The following CNTN5 variants were observed in gnomAD, a reference collection of about 807,000 sequenced individuals.
CNTN5 encodes contactin 5, also known as contactin-5.
Under a neutral mutation model 129.1 loss-of-function variants are expected in CNTN5, and 77 were observed. The ratio of observed to expected loss-of-function variants is 0.60; its 90% CI spans 0.50 to 0.72. The LOEUF (loss-of-function observed/expected upper bound fraction) is 0.72, where lower values mean the gene tolerates loss of function less well. Ranked by LOEUF, CNTN5 falls within the 30% of genes least tolerant of loss-of-function variation. The pLI, the probability that CNTN5 is intolerant of heterozygous loss-of-function variation, is 0.00. For synonymous variants in CNTN5, 509 were observed against 465.6 expected, an observed-to-expected ratio of 1.09 and a Z score of -1.20; for missense variants, 1,478 against 1,328.8, an observed-to-expected ratio of 1.11 and a Z score of -1.75.
chr11:99,423,975 G>C (rs944878980), intron 2 of CNTN5, among the ~76,000 whole-genome samples: 1 of 152,126 alleles, frequency 6.6e-6, no homozygotes, highest in Admixed American at 6.5e-5. Context: ...CCTTTTATTT[G>C]TGGGTCATAA....
intron 2 of CNTN5, among the ~76,000 whole-genome samples, chr11:99,416,558 T>A (rs1210509944): frequency 1.3e-5 from 2 of 152,086 alleles, no homozygotes; most frequent in Non-Finnish European, 1.5e-5. Context: ...ACTGCTGAGA[T>A]TACAAGCATA....
intron 13 of CNTN5, among the ~76,000 whole-genome samples, chr11:100,122,238 A>G (rs557244626): frequency 2.0e-5 from 3 of 152,162 alleles, no homozygotes; most frequent in Admixed American, 2.0e-4. Context: ...GTGGAATGGT[A>G]TAAGTCTTGG....
At chr11:100,206,857 T>G (rs113736443) in intron 15 of CNTN5, among the ~76,000 whole-genome samples, 1 of 152,028 alleles carries the variant, frequency 6.6e-6, no homozygotes, top group East Asian at 1.9e-4. Context: ...GCAGATATAT[T>G]TGCTAAACAA....
chr11:100,092,801 G>A (rs1436605334), intron 13 of CNTN5, among the ~76,000 whole-genome samples: 2 of 152,138 alleles, frequency 1.3e-5, no homozygotes, highest in African/African-American at 4.8e-5. Flanking sequence ...GGTGCAGTAT[G>A]CTTGCACCTG....
At chr11:100,225,921 T>G (rs1349960965) in intron 16 of CNTN5, among the ~76,000 whole-genome samples, 2 of 152,130 alleles carry the variant, frequency 1.3e-5, no homozygotes, top group Admixed American at 6.6e-5. Flanking sequence ...GTTATATATA[T>G]CACCGAATGT....
intron 2 of CNTN5, among the ~76,000 whole-genome samples, chr11:99,441,175 T>G (rs1186470017): frequency 6.6e-6 from 1 of 152,110 alleles, no homozygotes; most frequent in Non-Finnish European, 1.5e-5. Context: ...CATTTTCTCT[T>G]TAGCAATCAA....
In CNTN5 at chr11:100,341,306, AT is replaced by A. The variant is rs948356963; in HGVS notation, c.3030+107del. 2.3e-5 allele frequency: 18 copies of A among 794,914 alleles called. No homozygotes were observed. The African/African-American group carries it at 3.1e-4, about 14-fold the overall frequency. The allele number at this position is 794,914 out of a possible 1,614,324, so 49.2% of individuals were successfully genotyped here. On this transcript the variant is annotated intron_variant, in intron 23 of 24. Transcript: ENST00000524871. ...CATAAAAAGACCCATTAACCAACCT[AT>A]TTTTTCTCAGTCATTTTCTATCTGT...
At chr11:99,187,888 A>G in intron 1 of CNTN5, among the ~76,000 whole-genome samples, 1 of 115,354 alleles carries the variant, frequency 8.7e-6, no homozygotes, top group South Asian at 2.7e-4. Flanking sequence ...TACATTTAAG[A>G]AAGTCTTAAT....
intron 1 of CNTN5, among the ~76,000 whole-genome samples, chr11:99,291,605 CG>C (rs1161499280): frequency 1.3e-5 from 2 of 151,954 alleles, no homozygotes; most frequent in African/African-American, 2.4e-5. Context: ...TAAAAGTGTA[CG>C]ATTATATAAC....
intron 6 of CNTN5, among the ~76,000 whole-genome samples, chr11:99,892,405 C>T (rs547617453): frequency 6.6e-6 from 1 of 152,230 alleles, no homozygotes; most frequent in East Asian, 1.9e-4. Context: ...TTTGCCCATA[C>T]CTATGTCCTG....
At chr11:99,478,913 AT>A in intron 2 of CNTN5, among the ~76,000 whole-genome samples, 1 of 152,160 alleles carries the variant, frequency 6.6e-6, no homozygotes, top group East Asian at 1.9e-4. Flanking sequence ...ACCTGAAAAT[AT>A]TTTGTAGCTA....
chr11:100,184,485 TG>T (rs1342037435), intron 13 of CNTN5, among the ~76,000 whole-genome samples: 4 of 152,180 alleles, frequency 2.6e-5, no homozygotes, highest in Non-Finnish European at 5.9e-5. Flanking sequence ...GGAATGCAAG[TG>T]GCTTCCAGAA....
chr11:99,452,097 T>A (rs1210060737), intron 2 of CNTN5, among the ~76,000 whole-genome samples: 1 of 152,158 alleles, frequency 6.6e-6, no homozygotes, highest in Non-Finnish European at 1.5e-5. Flanking sequence ...AGAGATTACA[T>A]AATTCAAAAT....
intron 2 of CNTN5, among the ~76,000 whole-genome samples, chr11:99,524,239 T>C (rs906969625): frequency 6.6e-6 from 1 of 152,158 alleles, no homozygotes; most frequent in Non-Finnish European, 1.5e-5. Flanking sequence ...AGGTCACTAT[T>C]TGGAGGATAT....
chr11:99,667,336 AACTC>A (rs970167981), intron 3 of CNTN5, among the ~76,000 whole-genome samples: 11 of 152,172 alleles, frequency 7.2e-5, no homozygotes, highest in Non-Finnish European at 1.0e-4. Context: ...TGTTTACTAA[AACTC>A]ACCTTCCTGA....
At chr11:99,773,339 A>T (rs1463041970) in intron 3 of CNTN5, among the ~76,000 whole-genome samples, 1 of 152,112 alleles carries the variant, frequency 6.6e-6, no homozygotes, top group African/African-American at 2.4e-5. Context: ...TGGTGATAAC[A>T]TTTTCAATTA....
At chr11:99,183,599 T>C (rs1385418958) in intron 1 of CNTN5, among the ~76,000 whole-genome samples, 4 of 152,100 alleles carry the variant, frequency 2.6e-5, no homozygotes, top group Non-Finnish European at 5.9e-5. Context: ...CCTGGCAAAA[T>C]TGTCTTCTCT....
At chr11:99,246,482 A>G (rs1861822062) in intron 1 of CNTN5, among the ~76,000 whole-genome samples, 1 of 152,198 alleles carries the variant, frequency 6.6e-6, no homozygotes, top group Non-Finnish European at 1.5e-5. Flanking sequence ...ATCGTTAAAT[A>G]GAATTTCAGC....
chr11:99,436,352 T>C (rs1030969561), intron 2 of CNTN5, among the ~76,000 whole-genome samples: 1 of 152,188 alleles, frequency 6.6e-6, no homozygotes, highest in Non-Finnish European at 1.5e-5. Context: ...GATTAAATCA[T>C]TTATGCTCAG....
Sources: gnomAD v4.1 joint callset for allele counts (sites outside exome capture counted in the v4.1 genomes callset) on GRCh38, gnomAD v4.1.1 for gene constraint, MANE v1.5 for transcripts, NCBI Gene and HGNC (gene_info 2026-07-23, HGNC 2026-07-21) for gene names.